The following SGMS1 variants were observed in gnomAD, a reference collection of about 807,000 sequenced individuals.
SGMS1 encodes the protein phosphatidylcholine:ceramide cholinephosphotransferase 1.
SGMS1 carries 13 observed loss-of-function variants against 46.2 expected under a neutral mutation model. The ratio of observed to expected loss-of-function variants is 0.28; its 90% CI spans 0.18 to 0.45. The LOEUF (loss-of-function observed/expected upper bound fraction) is 0.45, where lower values mean the gene tolerates loss of function less well. Among genes scored for constraint, SGMS1 ranks in the 20% least tolerant of loss-of-function variants. SGMS1 has a pLI of 1.00. For missense variants in SGMS1, 324 were observed against 519.9 expected (o/e 0.62, Z 3.66); for synonymous variants, 203 against 187.8 (o/e 1.08, Z -0.66).
At position 50,322,121 on chromosome 10, in the gene SGMS1, A is replaced by G. The variant is rs140744174; in HGVS notation, c.741+5084T>C. ...TTCACTTATGTCAGAGGCAAAAATT[A>G]AAACAAAACAAAACATGTTTTTCAA... On this transcript the variant is annotated intron_variant, in intron 8 of 10. Coordinates refer to ENST00000361781, the MANE Select transcript of SGMS1 (RefSeq NM_147156.4). 2.6e-4 allele frequency among the ~76,000 whole-genome samples: 40 copies of G among 152,306 alleles called. No individual in the cohort carries two copies. The East Asian group carries it at 7.1e-3, about 27-fold the overall frequency.
At chr10:50,365,163 G>A (rs1848312874) in intron 6 of SGMS1, among the ~76,000 whole-genome samples, 1 of 144,902 alleles carries the variant, frequency 6.9e-6, no homozygotes, top group Admixed American at 7.2e-5. Context: ...AGGACGTTGA[G>A]AATCTCTTGA....
rs554982800 is a variant in SGMS1, at chr10:50,578,847, G to T, written c.-589+11306C>A. 3.9e-5 allele frequency among the ~76,000 whole-genome samples: 6 copies of T among 152,228 alleles called. No homozygotes were observed. The East Asian group carries it at 1.2e-3, about 29-fold the overall frequency. On this transcript the variant is annotated intron_variant, in intron 2 of 10. Transcript: ENST00000361781. ...ACAAGGACAAAGATAATAGGACAAA[G>T]ATTAAAATGTTAAGCTTTTTAAAGC...
At chr10:50,322,779 C>A (rs954314807) in intron 8 of SGMS1, among the ~76,000 whole-genome samples, 2 of 146,916 alleles carry the variant, frequency 1.4e-5, no homozygotes, top group African/African-American at 5.1e-5. Flanking sequence ...TTGCAGTGAG[C>A]CGAGATTGCG....
intron 3 of SGMS1, among the ~76,000 whole-genome samples, chr10:50,487,531 TTA>T (rs954569677): frequency 2.6e-5 from 4 of 152,242 alleles, no homozygotes; most frequent in African/African-American, 9.6e-5. Context: ...TGTATAATTT[TTA>T]TATATTATTT....
chr10:50,592,040 G>C (rs980747460), intron 1 of SGMS1, among the ~76,000 whole-genome samples: 94 of 152,222 alleles, frequency 6.2e-4, no homozygotes, highest in African/African-American at 2.1e-3. Flanking sequence ...AACCTCTTCC[G>C]GCTGCTTCCT....
rs545988449 is a variant in SGMS1, at chr10:50,344,201, C to T, written c.-87G>A. The T allele has an allele frequency of 7.9e-4, 1,171 of 1,488,116 alleles. 1 individual carries two copies. The highest frequency in any genetic ancestry group is 9.6e-4 in the Non-Finnish European group (1,081 of 1,123,510). 92.2% of individuals were successfully genotyped at this position (1,488,116 alleles called of 1,614,324 possible). On this transcript the variant is annotated 5_prime_UTR_variant, in exon 7 of 11. Transcript: ENST00000361781. ...GACAGGGCAGGACACTGTCCTGCCT[C>T]GGCTCGTTCATCCTGTGGGGCCTCA...
intron 2 of SGMS1, among the ~76,000 whole-genome samples, chr10:50,533,069 G>T (rs927275428): frequency 1.3e-5 from 2 of 151,822 alleles, no homozygotes; most frequent in African/African-American, 4.8e-5. Context: ...TGATCTTCAT[G>T]AAAAAAAATG....
chr10:50,427,759 G>C (rs1220565996), intron 6 of SGMS1, among the ~76,000 whole-genome samples: 3 of 152,154 alleles, frequency 2.0e-5, no homozygotes, highest in Non-Finnish European at 2.9e-5. Flanking sequence ...GATTCCTGAA[G>C]GCTGGGTCCA....
At chr10:50,370,463 C>A (rs539259697) in intron 6 of SGMS1, among the ~76,000 whole-genome samples, 22 of 150,432 alleles carry the variant, frequency 1.5e-4, no homozygotes, top group Admixed American at 6.0e-4. Context: ...AAGACACAAG[C>A]CAGGCATGGT....
At chr10:50,624,558 G>T, upstream of SGMS1, 1 of 981,548 alleles carries the variant, frequency 1.0e-6, no homozygotes, top group African/African-American at 1.7e-5. Flanking sequence ...AACCGCGCGA[G>T]GTGAAAACTC....
chr10:50,582,250 C>T (rs533112794), intron 2 of SGMS1, among the ~76,000 whole-genome samples: 1 of 152,276 alleles, frequency 6.6e-6, no homozygotes, highest in African/African-American at 2.4e-5. Context: ...TCACTATTGT[C>T]CTCAGAGAAC....
At chr10:50,548,277 G>T (rs1207660652) in intron 2 of SGMS1, among the ~76,000 whole-genome samples, 1 of 151,974 alleles carries the variant, frequency 6.6e-6, no homozygotes, top group African/African-American at 2.4e-5. Flanking sequence ...GAAAGAACAA[G>T]GCTGGAGGCA....
intron 5 of SGMS1, among the ~76,000 whole-genome samples, chr10:50,434,631 T>A (rs1849450046): frequency 6.6e-6 from 1 of 151,456 alleles, no homozygotes; most frequent in African/African-American, 2.4e-5. Flanking sequence ...AATCCCAGCA[T>A]TTTGGGTGGC....
intron 5 of SGMS1, among the ~76,000 whole-genome samples, chr10:50,434,664 CAGG>C (rs1849450722): frequency 6.7e-6 from 1 of 149,318 alleles, no homozygotes; most frequent in Non-Finnish European, 1.5e-5. Context: ...ATCACAGGGT[CAGG>C]AGATCGAGAC....
At position 50,542,209 on chromosome 10, in the gene SGMS1, C is replaced by T. The variant is rs553021763; in HGVS notation, c.-588-22288G>A. Reference sequence around the variant, plus strand: ...ACTTTTCGTTCTTCAAAGACTTCTACGGCATAAAATACATGGAAACAAAAT... The same window carrying T: ...ACTTTTCGTTCTTCAAAGACTTCTATGGCATAAAATACATGGAAACAAAAT... On this transcript the variant is annotated intron_variant, in intron 2 of 10. Coordinates refer to ENST00000361781, the MANE Select transcript of SGMS1 (RefSeq NM_147156.4). Among the ~76,000 whole-genome samples the T allele has an allele frequency of 1.5e-3, 230 of 152,208 alleles. 2 individuals carry two copies. The highest frequency in any genetic ancestry group is 4.9e-3 in the African/African-American group (204 of 41,526).
At chr10:50,352,648 T>C (rs934509185) in intron 6 of SGMS1, among the ~76,000 whole-genome samples, 6 of 152,210 alleles carry the variant, frequency 3.9e-5, no homozygotes, top group African/African-American at 1.4e-4. Context: ...AAGAGTCACC[T>C]TGGGGCTAGA....
chr10:50,620,787 T>C (rs976411592), intron 1 of SGMS1, among the ~76,000 whole-genome samples: 9 of 152,242 alleles, frequency 5.9e-5, no homozygotes, highest in Admixed American at 3.3e-4. Flanking sequence ...AGCTTTTCTA[T>C]AGCAGCACTT....
chr10:50,486,933 T>C (rs1309390537), intron 3 of SGMS1, among the ~76,000 whole-genome samples: 1 of 152,182 alleles, frequency 6.6e-6, no homozygotes, highest in African/African-American at 2.4e-5. Flanking sequence ...GATGACTGGA[T>C]AAAGAAAATG....
intron 3 of SGMS1, among the ~76,000 whole-genome samples, chr10:50,512,543 G>A (rs557381856): frequency 2.0e-5 from 3 of 152,256 alleles, no homozygotes; most frequent in Admixed American, 1.3e-4. Context: ...CTGTGCACAA[G>A]GCAATGACCT....
Sources: gnomAD v4.1 joint callset for allele counts (sites outside exome capture counted in the v4.1 genomes callset) on GRCh38, gnomAD v4.1.1 for gene constraint, MANE v1.5 for transcripts, NCBI Gene and HGNC (gene_info 2026-07-23, HGNC 2026-07-21) for gene names.